The following EMC2 variants were observed in gnomAD, a reference collection of about 807,000 sequenced individuals.
EMC2 encodes the protein TPR repeat protein 35.
Under a neutral mutation model 51.6 loss-of-function variants are expected in EMC2, and 37 were observed. That is an observed-to-expected ratio of 0.72 (90% CI 0.55 to 0.94). The LOEUF (loss-of-function observed/expected upper bound fraction) is 0.94, where lower values mean the gene tolerates loss of function less well. EMC2 is among the 40% of genes least tolerant of loss of function. The probability of loss-of-function intolerance (pLI) is 0.00; values close to 1 mark genes in which losing one functional copy is unlikely to be tolerated. For missense variants in EMC2, 359 were observed against 350.9 expected (o/e 1.02, Z -0.18); for synonymous variants, 131 against 112.4 (o/e 1.17, Z -1.04).
intron 5 of EMC2, among the ~76,000 whole-genome samples, chr8:108,458,350 T>C (rs1225100903): frequency 6.6e-6 from 1 of 152,162 alleles, no homozygotes; most frequent in Non-Finnish European, 1.5e-5. Flanking sequence ...GTAGGGACTC[T>C]TGTGTGGGGG....
intron 5 of EMC2, among the ~76,000 whole-genome samples, chr8:108,460,923 A>G (rs1484526138): frequency 6.6e-6 from 1 of 152,170 alleles, no homozygotes; most frequent in Admixed American, 6.5e-5. Context: ...CCTCTCATGA[A>G]CCATCAAAGA....
At chr8:108,464,371 T>C (rs1034599919) in intron 5 of EMC2, among the ~76,000 whole-genome samples, 4 of 152,208 alleles carry the variant, frequency 2.6e-5, no homozygotes, top group Admixed American at 1.3e-4. Flanking sequence ...ACTCTGGCCA[T>C]ACGCCAGCCT....
intron 5 of EMC2, among the ~76,000 whole-genome samples, chr8:108,467,801 A>C (rs1368209375): frequency 9.9e-5 from 15 of 152,230 alleles, no homozygotes; most frequent in Non-Finnish European, 2.9e-5. Flanking sequence ...ATAAATATCA[A>C]ATAAAGCAAG....
intron 5 of EMC2, among the ~76,000 whole-genome samples, chr8:108,456,336 AAAAAAAAAAAAG>A (rs1342348777): frequency 1.7e-5 from 2 of 114,854 alleles, no homozygotes; most frequent in African/African-American, 3.1e-5. Context: ...TCGTGTCAAA[AAAAAAAAAAAAG>A]AAAAAAAAAA....
Position 108,487,778 on chromosome 8 carries a change from T to C in EMC2, c.*1180T>C, listed in dbSNP as rs984178041. 1.3e-5 allele frequency among the ~76,000 whole-genome samples: 2 copies of C among 152,222 alleles called. No individual in the cohort carries two copies. Among genetic ancestry groups the C allele is most frequent in the African/African-American group, 2.4e-5 (1 of 41,468 alleles). ...GTCAATATCAGCTTCTTTTAACCTT[T>C]TGAATAGTTCTGCTAATAAATTATT... is the stretch of plus-strand genomic sequence containing the variant. On this transcript the variant is annotated 3_prime_UTR_variant, in exon 11 of 11. Transcript: ENST00000220853.
chr8:108,460,532 A>G (rs1819293597), intron 5 of EMC2, among the ~76,000 whole-genome samples: 1 of 152,224 alleles, frequency 6.6e-6, no homozygotes, highest in Non-Finnish European at 1.5e-5. Flanking sequence ...GATGAGTCAC[A>G]GTCAAAACAC....
At chr8:108,444,885 A>G (rs1818840504) in intron 1 of EMC2, among the ~76,000 whole-genome samples, 1 of 152,204 alleles carries the variant, frequency 6.6e-6, no homozygotes, top group African/African-American at 2.4e-5. Context: ...GAGAAAACAA[A>G]CCTGTAAACA....
intron 1 of EMC2, among the ~76,000 whole-genome samples, chr8:108,448,605 T>G (rs1818936680): frequency 6.6e-6 from 1 of 152,150 alleles, no homozygotes; most frequent in Non-Finnish European, 1.5e-5. Context: ...CCTTCTTGTC[T>G]TCTGCCATCA....
At position 108,463,805 on chromosome 8, in the gene EMC2, TA is replaced by T. The variant is rs558112542; in HGVS notation, c.364-6020del. ...CAGGAAATGCACCACTGAGACTGCC[TA>T]GAAAAGTCTGACCAGCTAAATCTTA... On this transcript the variant is annotated intron_variant, in intron 5 of 10. Transcript: ENST00000220853. Among the ~76,000 whole-genome samples, 475 of 152,160 alleles carry T rather than the reference TA, an allele frequency of 3.1e-3. 3 individuals carry two copies. Among genetic ancestry groups the T allele is most frequent in the Non-Finnish European group, 4.6e-3 (313 of 67,984 alleles).
At chr8:108,459,197 GAGTTACAAACT>G (rs1819244598) in intron 5 of EMC2, among the ~76,000 whole-genome samples, 1 of 152,132 alleles carries the variant, frequency 6.6e-6, no homozygotes, top group African/African-American at 2.4e-5. Context: ...AGTCTGTAGG[GAGTTACAAACT>G]TTCCCACATT....
intron 7 of EMC2, chr8:108,474,029 G>C (rs554650486): frequency 6.6e-6 from 1 of 152,114 alleles, no homozygotes; most frequent in South Asian, 2.1e-4. Context: ...CATCTGTTGA[G>C]CTCCTTCTAG....
chr8:108,475,543 G>A (rs1035288062), intron 7 of EMC2: 1 of 171,182 alleles, frequency 5.8e-6, no homozygotes, highest in Non-Finnish European at 1.2e-5. Context: ...ACTTCCAGAA[G>A]TTGTTTTATA....
rs149049355 is a variant in EMC2, at chr8:108,455,285, A to C, written c.306-588A>C. ...ATTTCAATTTTGAAAGTTTGTATTG[A>C]TAATTCTTCAACCTCCTGACTCTTT... On this transcript the variant is annotated intron_variant, in intron 4 of 10. Transcript: ENST00000220853. 5.3e-4 allele frequency among the ~76,000 whole-genome samples: 80 copies of C among 152,006 alleles called. 1 individual carries two copies. The East Asian group carries it at 0.014, about 26-fold the overall frequency.
chr8:108,476,333 T>G (rs1810945689), intron 8 of EMC2, among the ~76,000 whole-genome samples: 1 of 151,882 alleles, frequency 6.6e-6, no homozygotes, highest in Admixed American at 6.6e-5. Context: ...ATTTATTTAA[T>G]TTGCATATTA....
At chr8:108,459,090 C>T (rs1025976007) in intron 5 of EMC2, among the ~76,000 whole-genome samples, 10 of 152,200 alleles carry the variant, frequency 6.6e-5, no homozygotes, top group African/African-American at 2.4e-4. Context: ...GTCACTTTTG[C>T]TCCAGTTTCC....
intron 5 of EMC2, among the ~76,000 whole-genome samples, chr8:108,465,028 C>T (rs1819434397): frequency 6.6e-6 from 1 of 152,054 alleles, no homozygotes; most frequent in Non-Finnish European, 1.5e-5. Context: ...TGCCGGTAGG[C>T]CTTAATCCTT....
intron 10 of EMC2, among the ~76,000 whole-genome samples, chr8:108,485,913 T>TG (rs1315979533): frequency 6.6e-6 from 1 of 151,862 alleles, no homozygotes; most frequent in African/African-American, 2.4e-5. Context: ...TTTTAAAACA[T>TG]GTTTACATTG....
At chr8:108,478,288 G>A (rs925804557) in intron 9 of EMC2, among the ~76,000 whole-genome samples, 2 of 152,008 alleles carry the variant, frequency 1.3e-5, no homozygotes, top group African/African-American at 4.8e-5. Flanking sequence ...ATTAGCATAT[G>A]ATTTTGGGGT....
intron 5 of EMC2, among the ~76,000 whole-genome samples, chr8:108,458,665 G>A (rs554174534): frequency 1.3e-4 from 20 of 152,184 alleles, no homozygotes; most frequent in African/African-American, 4.6e-4. Flanking sequence ...CACACTGCAC[G>A]GGACCTTGGG....
Sources: allele counts gnomAD v4.1 joint callset (sites outside exome capture counted in the v4.1 genomes callset), GRCh38; gene constraint gnomAD v4.1.1; transcripts MANE v1.5; gene names NCBI Gene and HGNC (gene_info 2026-07-23, HGNC 2026-07-21).